IRS1: variants seen among roughly 807,000 people sequenced by gnomAD.
The protein encoded by IRS1 is insulin receptor substrate 1.
IRS1 carries 34 observed loss-of-function variants against 65.6 expected under a neutral mutation model. That is an observed-to-expected ratio of 0.52 (90% confidence interval 0.39 to 0.69). The LOEUF (loss-of-function observed/expected upper bound fraction) is 0.69. IRS1 is among the 30% of genes least tolerant of loss of function. The probability of loss-of-function intolerance (pLI) is 0.00; values close to 1 mark genes in which losing one functional copy is unlikely to be tolerated. For missense variants in IRS1, 1,641 were observed against 1,720.2 expected (o/e 0.95, Z 0.81); for synonymous variants, 699 against 683.5 (o/e 1.02, Z -0.35).
intron 1 of IRS1, among the ~76,000 whole-genome samples, chr2:226,758,939 A>C (rs757794191): frequency 1.2e-4 from 18 of 152,228 alleles, no homozygotes; most frequent in Non-Finnish European, 2.4e-4. Flanking sequence ...TTTAGCAAAG[A>C]TGCTCATTGC....
intron 1 of IRS1, among the ~76,000 whole-genome samples, chr2:226,785,698 C>A (rs1274603872): frequency 6.6e-6 from 1 of 152,090 alleles, no homozygotes; most frequent in African/African-American, 2.4e-5. Flanking sequence ...TTAACCTATG[C>A]TTTTCCCCTT....
chr2:226,798,342 C>A lies in IRS1; in HGVS notation c.397G>T (p.Gly133Trp), dbSNP rs758241055. 17 of 1,613,356 alleles carry A rather than the reference C, an allele frequency of 1.1e-5. No individual in the cohort carries two copies. Among genetic ancestry groups the A allele is most frequent in the Admixed American group, 1.7e-5 (1 of 60,002 alleles). ...GAAALGAGGG[G>W]GSCSGSSGLG... is the part of the protein sequence containing the mutation. ...CCGGAGCTGCCGCTGCAGCTGCCCC[C>A]ACCACCTCCCGCCCCGAGGGCCGCA... Residue 133 changes from glycine (G) to tryptophan (W), a missense_variant, in exon 1 of 2, where the codon GGG (glycine) becomes TGG (tryptophan). Around this residue, in one of 3 missense-constraint regions of IRS1, gnomAD observed 240 missense variants for 229.6 expected, o/e 1.05. Transcript: ENST00000305123. The surrounding 1 kb of genome is among the most constrained non-coding windows in gnomAD (Gnocchi z 9.4).
At chr2:226,748,919 C>T (rs1938614158) in intron 1 of IRS1, among the ~76,000 whole-genome samples, 1 of 152,030 alleles carries the variant, frequency 6.6e-6, no homozygotes, top group Admixed American at 6.6e-5. Flanking sequence ...CAGATTGAAC[C>T]CTGAGGCAGT....
intron 1 of IRS1, among the ~76,000 whole-genome samples, chr2:226,771,481 T>A (rs1246018255): frequency 6.6e-6 from 1 of 152,148 alleles, no homozygotes; most frequent in Non-Finnish European, 1.5e-5. Flanking sequence ...TGAACCACAG[T>A]TAGTTACTGA....
rs78911336 is a variant in IRS1, at chr2:226,747,768, T to C, written c.*22-11518A>G. On this transcript the variant is annotated intron_variant, in intron 1 of 1. Coordinates refer to ENST00000305123, the MANE Select transcript of IRS1 (RefSeq NM_005544.3). ...ACCCTCCAGTCTCCAAGCATTTCAC[T>C]AAATCTCTAGGGTAATGGTTCTCAA... 6.6e-3 allele frequency among the ~76,000 whole-genome samples: 1,007 copies of C among 152,216 alleles called. 7 individuals are homozygous for C. The highest frequency in any genetic ancestry group is 0.012 in the Non-Finnish European group (805 of 68,010).
intron 1 of IRS1, among the ~76,000 whole-genome samples, chr2:226,783,168 C>G (rs1384286648): frequency 6.6e-6 from 1 of 152,216 alleles, no homozygotes; most frequent in African/African-American, 2.4e-5. Context: ...GGTGAGCTTT[C>G]AGCCTTCACT....
At chr2:226,753,165 CA>C (rs1938717361) in intron 1 of IRS1, among the ~76,000 whole-genome samples, 1 of 152,078 alleles carries the variant, frequency 6.6e-6, no homozygotes, top group South Asian at 2.1e-4. Context: ...AAGAGAACCT[CA>C]AAAAATCATG....
intron 1 of IRS1, among the ~76,000 whole-genome samples, chr2:226,787,122 C>T (rs1939502848): frequency 6.6e-6 from 1 of 152,280 alleles, no homozygotes; most frequent in Non-Finnish European, 1.5e-5. Context: ...TTCAACCCCT[C>T]TTCATTTAAC....
chr2:226,795,284 C>G lies in IRS1; in HGVS notation c.3455G>C (p.Arg1152Thr). 1 of 1,613,980 alleles carries G rather than the reference C, an allele frequency of 6.2e-7. No individual in the cohort carries two copies. Among genetic ancestry groups the G allele is most frequent in the Non-Finnish European group, 8.5e-7 (1 of 1,180,018 alleles). The change falls in exon 1 of 2, where the codon AGG becomes ACG. Residue 1152 changes from arginine (R) to threonine (T), a missense_variant. Arg to Thr is a moderately conservative substitution (Grantham distance 71). Around this residue, in one of 3 missense-constraint regions of IRS1, gnomAD observed 1,324 missense variants for 1,361.0 expected, o/e 0.97. Transcript: ENST00000305123. The stretch of plus-strand genomic sequence containing the variant: ...GGGGGCTCCCCCAAGCTCCCCAGGC[C>G]TCAGCCACACATTCTCAAAGGAAGC... ...SSASFENVWL[R>T]PGELGGAPKE...
chr2:226,783,245 C>T (rs778044626), intron 1 of IRS1, among the ~76,000 whole-genome samples: 1 of 152,194 alleles, frequency 6.6e-6, no homozygotes, highest in Non-Finnish European at 1.5e-5. Context: ...CCTGAATCTG[C>T]ACTTGGCCCA....
chr2:226,797,886 G>T lies in IRS1; in HGVS notation c.853C>A (p.Arg285Ser). Residue 285 changes from arginine to serine, a missense_variant, in exon 1 of 2, where the codon CGC (arginine) becomes AGC (serine). This residue lies in a region of IRS1 where 1,324 missense variants were observed against 1,361.0 expected (regional missense o/e 0.97). Transcript: ENST00000305123. The surrounding 1 kb of genome is among the most constrained non-coding windows in gnomAD (Gnocchi z 8.1). ...GGGGGATTGTTGAGATGGTGCCGGC[G>T]CAGGGGGACGCTGATGGGGTTAGAG... Reference protein sequence around the residue: ...NCSNPISVPLRRHHLNNPPPS... With the variant: ...NCSNPISVPLSRHHLNNPPPS... 1 of 1,610,684 alleles carries T rather than the reference G, an allele frequency of 6.2e-7. No homozygotes were observed.
At chr2:226,773,909 A>G (rs1320453846) in intron 1 of IRS1, among the ~76,000 whole-genome samples, 1 of 152,190 alleles carries the variant, frequency 6.6e-6, no homozygotes, top group Admixed American at 6.5e-5. Context: ...GACTGTATAA[A>G]TATGATCCTC....
chr2:226,799,534 C>A lies in IRS1; in HGVS notation c.-796G>T. ...GAGGGACAGACTCATCCCTGCCCCT[C>A]GCTCCAGGCGGCTGGGGAGGAGGGG... On this transcript the variant is annotated 5_prime_UTR_variant, in exon 1 of 2. Coordinates refer to ENST00000305123, the MANE Select transcript of IRS1 (RefSeq NM_005544.3). The surrounding 1 kb of genome is among the most constrained non-coding windows in gnomAD (Gnocchi z 6.1). 1 of 1,071,242 alleles carries A rather than the reference C, an allele frequency of 9.3e-7. No individual in the cohort carries two copies. The highest frequency in any genetic ancestry group is 1.1e-6 in the Non-Finnish European group (1 of 870,722). 66.4% of individuals were successfully genotyped at this position (1,071,242 alleles called of 1,614,324 possible).
rs1559159659 is a variant in IRS1, at chr2:226,797,368, G to T, written c.1371C>A (p.Arg457=). ...TATAGTTGCTTAGCTCCTCCTCACC[G>T]CGGGCTGGTGGGGTGTGGCCCAGGG... is the stretch of plus-strand genomic sequence containing the variant. The part of the protein sequence containing the change: ...PDSLGHTPPA[R]GEEELSNYIC... The change falls in exon 1 of 2, where the codon CGC becomes CGA. Residue 457 remains arginine (R), a synonymous_variant. Coordinates refer to ENST00000305123, the MANE Select transcript of IRS1 (RefSeq NM_005544.3). This position sits in a 1 kb window ranked among gnomAD's most constrained non-coding sequence, Gnocchi z 8.1. The T allele has an allele frequency of 1.2e-6, 2 of 1,613,058 alleles. No individual in the cohort carries two copies. Among genetic ancestry groups the T allele is most frequent in the African/African-American group, 1.3e-5 (1 of 75,040 alleles).
At chr2:226,748,659 A>G (rs1938608236) in intron 1 of IRS1, among the ~76,000 whole-genome samples, 1 of 152,132 alleles carries the variant, frequency 6.6e-6, no homozygotes, top group Non-Finnish European at 1.5e-5. Flanking sequence ...ACAAACAAAC[A>G]AAACAAAACC....
Position 226,799,568 on chromosome 2 carries a change from A to G in IRS1, c.-830T>C, listed in dbSNP as rs1360304623. 5.7e-6 allele frequency: 6 copies of G among 1,045,892 alleles called. No homozygotes were observed. The highest frequency in any genetic ancestry group is 5.8e-6 in the Non-Finnish European group (5 of 856,866). The allele number at this position is 1,045,892 out of a possible 1,614,324, so 64.8% of individuals were successfully genotyped here. On this transcript the variant is annotated 5_prime_UTR_variant, in exon 1 of 2. Transcript: ENST00000305123. This position sits in a 1 kb window ranked among gnomAD's most constrained non-coding sequence, Gnocchi z 6.1. ...CGGCTGGGGAGGAGGGGAGGGGACAAGGGCGAGAGGGGATGGGGGAGGTTT... is the reference window on the plus strand; with the variant it reads ...CGGCTGGGGAGGAGGGGAGGGGACAGGGGCGAGAGGGGATGGGGGAGGTTT...
chr2:226,797,833 T>C lies in IRS1; in HGVS notation c.906A>G (p.Arg302=). 3 of 1,598,708 alleles carry C rather than the reference T, an allele frequency of 1.9e-6. No individual in the cohort carries two copies. The highest frequency in any genetic ancestry group is 2.6e-6 in the Non-Finnish European group (3 of 1,175,310). The stretch of plus-strand genomic sequence containing the variant: ...TGGCGGTGATGCTCTCAGTGCGTGA[T>C]CGGCGGGTCAGCCCCACCTGGCTGG... ...PPPSQVGLTR[R]SRTESITATS... The change falls in exon 1 of 2, where the codon CGA becomes CGG. Residue 302 remains arginine, a synonymous_variant. Transcript: ENST00000305123. The surrounding 1 kb of genome is among the most constrained non-coding windows in gnomAD (Gnocchi z 8.1).
intron 1 of IRS1, among the ~76,000 whole-genome samples, chr2:226,760,510 AC>A (rs1574648219): frequency 1.3e-5 from 2 of 152,012 alleles, no homozygotes; most frequent in Non-Finnish European, 2.9e-5. Context: ...AATTTTTTTT[AC>A]CCTCTTAATC....
At chr2:226,750,336 C>T (rs28415492) in intron 1 of IRS1, among the ~76,000 whole-genome samples, 4,908 of 151,164 alleles carry the variant, frequency 0.032, 143 homozygotes, top group South Asian at 0.11. Flanking sequence ...TGAGACTAAG[C>T]GTTCTCCTCA....
Sources: allele counts gnomAD v4.1 joint callset (sites outside exome capture counted in the v4.1 genomes callset), GRCh38; gene constraint gnomAD v4.1.1; regional missense constraint gnomAD v4.1.1; non-coding constraint Gnocchi (gnomAD v3.1); transcripts MANE v1.5; gene names NCBI Gene and HGNC (gene_info 2026-07-23, HGNC 2026-07-21).